Variants in CMTM8 observed in about 807,000 individuals in gnomAD.
CMTM8 encodes the protein CKLF-like MARVEL transmembrane domain-containing protein 8.
CMTM8 carries 12 observed loss-of-function variants against 18.6 expected under a neutral mutation model. The ratio of observed to expected loss-of-function variants is 0.65; its 90% confidence interval spans 0.41 to 1.05. The LOEUF (loss-of-function observed/expected upper bound fraction) is 1.05. CMTM8 is among the 50% of genes least tolerant of loss of function. The pLI is 0.00. For missense variants in CMTM8, 217 were observed against 227.2 expected, an observed-to-expected ratio of 0.95 and a Z score of 0.29; for synonymous variants, 87 against 90.6, an observed-to-expected ratio of 0.96 and a Z score of 0.23.
At chr3:32,353,096 C>G (rs11288057) in intron 1 of CMTM8, among the ~76,000 whole-genome samples, 6,423 of 152,292 alleles carry the variant, frequency 0.042, 202 homozygotes, top group Middle Eastern at 0.082. Context: ...CCAGTTCAAG[C>G]TATTCTCCTG....
chr3:32,361,042 C>T lies in CMTM8; in HGVS notation c.321+3496C>T, dbSNP rs564132891. 5.3e-5 allele frequency among the ~76,000 whole-genome samples: 8 copies of T among 152,282 alleles called. No individual in the cohort carries two copies. The South Asian group carries it at 1.2e-3, about 24-fold the overall frequency. Reference sequence around the variant, plus strand: ...TGTTGCCCAGGCTGGAGTGCAATGGCGCGATCTCAGCTCACTGCAACTTCC... The same window carrying T: ...TGTTGCCCAGGCTGGAGTGCAATGGTGCGATCTCAGCTCACTGCAACTTCC... On this transcript the variant is annotated intron_variant, in intron 2 of 3. Coordinates refer to ENST00000307526, the MANE Select transcript of CMTM8 (RefSeq NM_178868.5).
intron 1 of CMTM8, among the ~76,000 whole-genome samples, chr3:32,308,726 G>C (rs1279968836): frequency 6.6e-6 from 1 of 152,146 alleles, no homozygotes; most frequent in Non-Finnish European, 1.5e-5. Flanking sequence ...GACATAATCT[G>C]CTCTTAATGT....
intron 1 of CMTM8, among the ~76,000 whole-genome samples, chr3:32,352,438 TC>T (rs1264240795): frequency 2.0e-5 from 3 of 152,194 alleles, no homozygotes; most frequent in Admixed American, 6.5e-5. Context: ...CTCAGGTCCA[TC>T]CTAGACCTGA....
intron 1 of CMTM8, among the ~76,000 whole-genome samples, chr3:32,264,036 A>G (rs994538974): frequency 2.2e-4 from 33 of 152,240 alleles, no homozygotes; most frequent in African/African-American, 5.1e-4. Flanking sequence ...GCAGGATATT[A>G]TCCAGGAGAA....
chr3:32,329,700 A>G (rs1305579660), intron 1 of CMTM8, among the ~76,000 whole-genome samples: 1 of 152,230 alleles, frequency 6.6e-6, no homozygotes, highest in African/African-American at 2.4e-5. Context: ...GTCTAAGACT[A>G]GGAATAGGGC....
chr3:32,345,737 A>G (rs905707607), intron 1 of CMTM8, among the ~76,000 whole-genome samples: 1 of 152,256 alleles, frequency 6.6e-6, no homozygotes, highest in South Asian at 2.1e-4. Context: ...TGCCACCATC[A>G]CTTGTGTTCT....
At chr3:32,334,332 C>A (rs986861429) in intron 1 of CMTM8, among the ~76,000 whole-genome samples, 1 of 151,104 alleles carries the variant, frequency 6.6e-6, no homozygotes, top group Non-Finnish European at 1.5e-5. Context: ...ATTGACCGAG[C>A]GTGGTGGCTC....
At position 32,350,043 on chromosome 3, in the gene CMTM8, T is replaced by C. The variant is rs144506083; in HGVS notation, c.148-7330T>C. The stretch of plus-strand genomic sequence containing the variant: ...GAATCTTATTGGCACAAAATGTCAA[T>C]ATGCCTGAGGTTGAGGAATCCTAAT... On this transcript the variant is annotated intron_variant, in intron 1 of 3. Transcript: ENST00000307526. 4.6e-5 allele frequency among the ~76,000 whole-genome samples: 7 copies of C among 152,182 alleles called. No homozygotes were observed. The East Asian group carries it at 1.4e-3, about 29-fold the overall frequency.
intron 1 of CMTM8, among the ~76,000 whole-genome samples, chr3:32,354,266 C>T (rs1696769861): frequency 6.6e-6 from 1 of 151,938 alleles, no homozygotes; most frequent in Non-Finnish European, 1.5e-5. Flanking sequence ...AGATGAGTAA[C>T]ATTTTTGAAG....
At chr3:32,322,312 A>G (rs1696073155) in intron 1 of CMTM8, among the ~76,000 whole-genome samples, 1 of 151,992 alleles carries the variant, frequency 6.6e-6, no homozygotes. Context: ...GAAGGTAATT[A>G]TTTGGTCATC....
intron 1 of CMTM8, among the ~76,000 whole-genome samples, chr3:32,290,847 A>G (rs1432212145): frequency 6.6e-6 from 1 of 152,184 alleles, no homozygotes; most frequent in East Asian, 1.9e-4. Context: ...AGGCCAACTA[A>G]TCTCACAGCC....
intron 1 of CMTM8, among the ~76,000 whole-genome samples, chr3:32,337,110 A>G (rs755186529): frequency 3.3e-5 from 5 of 152,168 alleles, no homozygotes; most frequent in African/African-American, 9.7e-5. Flanking sequence ...TCATTAATCC[A>G]TGAATGGATT....
intron 1 of CMTM8, among the ~76,000 whole-genome samples, chr3:32,293,079 A>G (rs185124100): frequency 0.017 from 2,225 of 133,328 alleles, 41 homozygotes; most frequent in African/African-American, 0.047. Flanking sequence ...ATGTGTGTGT[A>G]TATATATATA....
rs570280009 is a variant in CMTM8 at position 32,352,990 on chromosome 3, T to C, written c.148-4383T>C. On this transcript the variant is annotated intron_variant, in intron 1 of 3. Transcript: ENST00000307526. Reference sequence around the variant, plus strand: ...GAGTAAACTAAGGTTTTTTGTTTGTTTGTGTTTTTGAGACAGAGTCTCGCT... The same window carrying C: ...GAGTAAACTAAGGTTTTTTGTTTGTCTGTGTTTTTGAGACAGAGTCTCGCT... 3.9e-5 allele frequency among the ~76,000 whole-genome samples: 6 copies of C among 152,256 alleles called. No homozygotes were observed. The East Asian group carries it at 9.7e-4, about 24-fold the overall frequency.
At position 32,337,155 on chromosome 3, in the gene CMTM8, A is replaced by G. The variant is rs75837761; in HGVS notation, c.148-20218A>G. 2.2e-3 allele frequency among the ~76,000 whole-genome samples: 333 copies of G among 152,250 alleles called. 2 individuals are homozygous for G. Among genetic ancestry groups the G allele is most frequent in the African/African-American group, 7.4e-3 (308 of 41,548 alleles). The stretch of plus-strand genomic sequence containing the variant: ...GTGAGAGCAGAGCCCTCATGATCCA[A>G]TCACCTCCCAAAGATCCCACCTCTC... On this transcript the variant is annotated intron_variant, in intron 1 of 3. Transcript: ENST00000307526.
At chr3:32,296,355 T>G (rs1369171255) in intron 1 of CMTM8, among the ~76,000 whole-genome samples, 1 of 152,188 alleles carries the variant, frequency 6.6e-6, no homozygotes, top group Admixed American at 6.5e-5. Context: ...GGAGTAGGCT[T>G]GTCTCTCCCA....
intron 1 of CMTM8, among the ~76,000 whole-genome samples, chr3:32,281,324 G>A (rs989286504): frequency 1.3e-5 from 2 of 152,152 alleles, no homozygotes; most frequent in Non-Finnish European, 2.9e-5. Context: ...TCTTCTCTTG[G>A]AACGTTTTGA....
At chr3:32,356,446 G>A (rs13075488) in intron 1 of CMTM8, among the ~76,000 whole-genome samples, 34,026 of 152,148 alleles carry the variant, frequency 0.22, 3,970 homozygotes, top group East Asian at 0.35. Context: ...CTACAGTTTA[G>A]GTCAGTTTCC....
At chr3:32,265,169 C>T (rs575128909) in intron 1 of CMTM8, among the ~76,000 whole-genome samples, 20 of 152,224 alleles carry the variant, frequency 1.3e-4, no homozygotes, top group South Asian at 6.2e-4. Context: ...AGCACCACAC[C>T]GCACTTACTC....
Sources: gnomAD v4.1 joint callset for allele counts (sites outside exome capture counted in the v4.1 genomes callset) on GRCh38, gnomAD v4.1.1 for gene constraint, MANE v1.5 for transcripts, NCBI Gene and HGNC (gene_info 2026-07-23, HGNC 2026-07-21) for gene names.